C16orf89: variants seen among roughly 807,000 people sequenced by gnomAD.
C16orf89 encodes the protein chromosome 16 open reading frame 89.
Under a neutral mutation model 41.5 loss-of-function variants are expected in C16orf89, and 57 were observed. The observed-to-expected ratio is 1.38, with a 90% CI of 1.11 to 1.71. The LOEUF (loss-of-function observed/expected upper bound fraction) is 1.71. Ranked by LOEUF, C16orf89 falls within the 40% of genes most tolerant of loss-of-function variation. The pLI, the probability that C16orf89 is intolerant of heterozygous loss-of-function variation, is 0.00. For missense variants in C16orf89, 575 were observed against 445.9 expected, an observed-to-expected ratio of 1.29 and a Z score of -2.61; for synonymous variants, 223 against 190.6, an observed-to-expected ratio of 1.17 and a Z score of -1.40.
At chr16:5,046,433 C>A (rs1186245283) in intron 7 of C16orf89, among the ~76,000 whole-genome samples, 1 of 151,958 alleles carries the variant, frequency 6.6e-6, no homozygotes, top group Non-Finnish European at 1.5e-5. Context: ...CTCACTGCAA[C>A]CTCTGTCTCC....
intron 2 of C16orf89, 121 bp from the exon 3 acceptor site, chr16:5,060,557 A>AG: frequency 1.4e-5 from 14 of 1,029,230 alleles, no homozygotes; most frequent in Non-Finnish European, 1.7e-5. Context: ...TCAGGGCTCT[A>AG]AGCCCTGTCC....
chr16:5,052,980 C>A (rs556157008), intron 6 of C16orf89, among the ~76,000 whole-genome samples: 3 of 152,118 alleles, frequency 2.0e-5, no homozygotes, highest in African/African-American at 4.8e-5. Flanking sequence ...ATAGCAACAT[C>A]GATGAACTTG....
intron 5 of C16orf89, 56 bp from the exon 6 acceptor site, chr16:5,055,406 C>T (rs1033289126): frequency 5.5e-5 from 80 of 1,453,316 alleles, no homozygotes; most frequent in Non-Finnish European, 7.1e-5. Flanking sequence ...CACCTCCTCC[C>T]ACTCCCCAGG....
At chr16:5,052,056 T>G (rs1182926659) in intron 6 of C16orf89, among the ~76,000 whole-genome samples, 1 of 136,760 alleles carries the variant, frequency 7.3e-6, no homozygotes, top group African/African-American at 2.8e-5. Flanking sequence ...TGAGCAAGAC[T>G]GTGCTACGGC....
At chr16:5,053,496 C>T (rs1416659126) in intron 6 of C16orf89, among the ~76,000 whole-genome samples, 6 of 150,818 alleles carry the variant, frequency 4.0e-5, no homozygotes, top group East Asian at 1.9e-4. Context: ...TAAGTGGTAC[C>T]GTTCCATAGC....
chr16:5,054,419 C>T (rs1297554086), intron 6 of C16orf89, among the ~76,000 whole-genome samples: 1 of 152,298 alleles, frequency 6.6e-6, no homozygotes, highest in East Asian at 1.9e-4. Context: ...TGTAGTTGTT[C>T]CCAGTCACCC....
intron 5 of C16orf89, 23 bp downstream of exon 5, chr16:5,056,030 C>T (rs754823631): frequency 1.4e-5 from 22 of 1,572,906 alleles, no homozygotes; most frequent in East Asian, 4.6e-5. Context: ...TCCTTTGCCC[C>T]GGGGGCAGAA....
intron 7 of C16orf89, 35 bp downstream of exon 7, chr16:5,047,843 T>G: frequency 8.2e-7 from 1 of 1,222,738 alleles, no homozygotes; most frequent in Non-Finnish European, 1.2e-6. Flanking sequence ...TATCTTAGTT[T>G]CATGTCAAGA....
Position 5,058,484 on chromosome 16 carries a change from G to C in C16orf89, c.627+9C>G. 6.3e-7 allele frequency: 1 copy of C among 1,587,836 alleles called. No homozygotes were observed. Among genetic ancestry groups the C allele is most frequent in the Non-Finnish European group, 8.6e-7 (1 of 1,159,422 alleles). On this transcript the variant is annotated intron_variant, in intron 4 of 7. Transcript: ENST00000472572. Reference sequence around the variant, plus strand: ...CCCCTGGCACGGCGGGGGCTCCCTGGGCACTCACCATTCTGGCCCAGAGGA... The same window carrying C: ...CCCCTGGCACGGCGGGGGCTCCCTGCGCACTCACCATTCTGGCCCAGAGGA...
intron 1 of C16orf89, 51 bp downstream of exon 1, chr16:5,065,650 G>T: frequency 6.5e-7 from 1 of 1,547,162 alleles, no homozygotes; most frequent in South Asian, 1.2e-5. Context: ...AGGGGACAAA[G>T]CTGAGAGCTA....
At chr16:5,058,716 A>G in intron 3 of C16orf89, 106 bp from the exon 4 acceptor site, 1 of 876,742 alleles carries the variant, frequency 1.1e-6, no homozygotes, top group Non-Finnish European at 1.7e-6. Flanking sequence ...GATTCCAGAC[A>G]CCCAGCTGGG....
intron 2 of C16orf89, 22 bp downstream of exon 2, chr16:5,062,403 G>A: frequency 1.3e-6 from 2 of 1,594,790 alleles, no homozygotes; most frequent in Non-Finnish European, 1.7e-6. Context: ...CTGAGGGAAT[G>A]GGACACCCTG....
chr16:5,062,665 A>T (rs1956653045), intron 1 of C16orf89, 91 bp from the exon 2 acceptor site: 1 of 1,370,270 alleles, frequency 7.3e-7, no homozygotes, highest in Non-Finnish European at 9.9e-7. Context: ...CCAAAGTCTA[A>T]TGCTTCCTGG....
intron 7 of C16orf89, among the ~76,000 whole-genome samples, chr16:5,047,320 C>A (rs1956315611): frequency 1.3e-5 from 2 of 152,256 alleles, no homozygotes; most frequent in South Asian, 4.2e-4. Context: ...CTAGTAAATT[C>A]CCTCTGTTGA....
intron 6 of C16orf89, among the ~76,000 whole-genome samples, chr16:5,050,703 C>T (rs917630876): frequency 7.9e-5 from 12 of 152,188 alleles, no homozygotes; most frequent in African/African-American, 1.9e-4. Context: ...AACTATAGGC[C>T]GATTTCCCTG....
At chr16:5,048,727 A>C (rs974832151) in intron 6 of C16orf89, among the ~76,000 whole-genome samples, 7 of 152,178 alleles carry the variant, frequency 4.6e-5, no homozygotes, top group African/African-American at 1.7e-4. Context: ...GAAAGAAGAA[A>C]GAGAAAAGAA....
intron 6 of C16orf89, among the ~76,000 whole-genome samples, chr16:5,054,425 C>T (rs1338206415): frequency 6.6e-6 from 1 of 152,216 alleles, no homozygotes; most frequent in Non-Finnish European, 1.5e-5. Flanking sequence ...TGTTCCCAGT[C>T]ACCCACCTGG....
intron 7 of C16orf89, 64 bp from the exon 8 acceptor site, chr16:5,044,542 C>T (rs767187950): frequency 6.2e-7 from 1 of 1,601,740 alleles, no homozygotes; most frequent in Non-Finnish European, 8.5e-7. Flanking sequence ...TCAACACAGT[C>T]TCATTGAAAG....
Position 5,044,391 on chromosome 16 carries a change from C to G in C16orf89, c.1043G>C (p.Arg348Thr). The G allele has an allele frequency of 6.2e-7, 1 of 1,612,436 alleles. No homozygotes were observed. The highest frequency in any genetic ancestry group is 8.5e-7 in the Non-Finnish European group (1 of 1,179,534). ...TGGCGGTGTGGATGGGTGTGGCTCTCTGTTTGCTGGGGGGTATTCTGCCAG... is the reference window on the plus strand; with the variant it reads ...TGGCGGTGTGGATGGGTGTGGCTCTGTGTTTGCTGGGGGGTATTCTGCCAG... The part of the protein sequence containing the change: ...YILAEYPPAN[R>T]EPHPSTPPPP... Residue 348 changes from arginine (R) to threonine (T), a missense_variant, in exon 8 of 8, where the codon AGA (arginine) becomes ACA (threonine). Coordinates refer to ENST00000472572, the MANE Select transcript of C16orf89 (RefSeq NM_001098514.3).
Sources: allele counts gnomAD v4.1 joint callset (sites outside exome capture counted in the v4.1 genomes callset), GRCh38; gene constraint gnomAD v4.1.1; transcripts MANE v1.5; gene names NCBI Gene and HGNC (gene_info 2026-07-23, HGNC 2026-07-21).